The following TDRD9 variants were observed in gnomAD, a reference collection of about 807,000 sequenced individuals.
The protein encoded by TDRD9 is ATP-dependent RNA helicase TDRD9.
TDRD9 carries 124 observed loss-of-function variants against 172.6 expected under a neutral mutation model. That is an observed-to-expected ratio of 0.72 (90% confidence interval 0.62 to 0.83). The LOEUF is 0.83. Ranked by LOEUF, TDRD9 falls within the 40% of genes least tolerant of loss-of-function variation. The pLI is 0.00. For missense variants in TDRD9, 1,479 were observed against 1,714.1 expected, an observed-to-expected ratio of 0.86 and a Z score of 2.42; for synonymous variants, 619 against 617.1, an observed-to-expected ratio of 1.00 and a Z score of -0.05.
chr14:104,011,860 C>A (rs1344623418), intron 20 of TDRD9, among the ~76,000 whole-genome samples: 1 of 151,972 alleles, frequency 6.6e-6, no homozygotes, highest in East Asian at 1.9e-4. Context: ...AGCTGTTATG[C>A]TTATGCTTAT....
chr14:103,928,675 G>T lies in TDRD9; in HGVS notation c.166G>T (p.Ala56Ser). 8.1e-7 allele frequency: 1 copy of T among 1,227,726 alleles called. No homozygotes were observed. 76.1% of individuals were successfully genotyped at this position (1,227,726 alleles called of 1,614,324 possible). Reference sequence around the variant, plus strand: ...CCCCGGCGCTGGTCCCGCGGCCCAGGCTCCGGCTCTGGCCCAAGCTCCGGC... The same window carrying T: ...CCCCGGCGCTGGTCCCGCGGCCCAGTCTCCGGCTCTGGCCCAAGCTCCGGC... ...VAPGAGPAAQ[A>S]PALAQAPARP... Residue 56 changes from alanine (A) to serine (S), a missense_variant, in exon 1 of 36, where the codon GCT (alanine) becomes TCT (serine). Ala to Ser is a moderately conservative substitution (Grantham distance 99). Coordinates refer to ENST00000409874, the MANE Select transcript of TDRD9 (RefSeq NM_153046.3).
chr14:104,049,116 A>G (rs61997598), intron 34 of TDRD9, among the ~76,000 whole-genome samples: 18 of 23,116 alleles, frequency 7.8e-4, no homozygotes, highest in South Asian at 3.5e-3. Flanking sequence ...GTATGTATGT[A>G]TGTATGTGTG....
chr14:104,021,841 G>T (rs899708597), intron 23 of TDRD9, among the ~76,000 whole-genome samples: 1 of 151,976 alleles, frequency 6.6e-6, no homozygotes, highest in Non-Finnish European at 1.5e-5. Context: ...AAATTCTTTT[G>T]CAATTATGAA....
At chr14:104,032,479 A>G (rs2035313972) in intron 30 of TDRD9, among the ~76,000 whole-genome samples, 1 of 152,226 alleles carries the variant, frequency 6.6e-6, no homozygotes, top group African/African-American at 2.4e-5. Context: ...TGCTGGGATT[A>G]CAGGCGTGAG....
chr14:103,968,087 T>C (rs2032832639), intron 5 of TDRD9, among the ~76,000 whole-genome samples: 2 of 152,154 alleles, frequency 1.3e-5, no homozygotes, highest in African/African-American at 2.4e-5. Flanking sequence ...CTACGTGGCC[T>C]TTGCACACCC....
chr14:103,931,621 T>C (rs998816225), intron 1 of TDRD9, among the ~76,000 whole-genome samples: 1 of 152,228 alleles, frequency 6.6e-6, no homozygotes, highest in Non-Finnish European at 1.5e-5. Context: ...TAAAGTGACT[T>C]GCCCAACTTC....
intron 13 of TDRD9, among the ~76,000 whole-genome samples, chr14:103,999,785 T>A (rs1407812462): frequency 6.6e-6 from 1 of 151,918 alleles, no homozygotes; most frequent in African/African-American, 2.4e-5. Flanking sequence ...ACTCATTTAA[T>A]CTTCCTAACA....
intron 7 of TDRD9, among the ~76,000 whole-genome samples, chr14:103,976,719 G>C (rs901811835): frequency 1.3e-5 from 2 of 152,176 alleles, no homozygotes; most frequent in African/African-American, 4.8e-5. Context: ...CCATATGGTA[G>C]TTCTGTTTTT....
At chr14:103,956,053 T>C (rs2032177827) in intron 2 of TDRD9, among the ~76,000 whole-genome samples, 1 of 120,596 alleles carries the variant, frequency 8.3e-6, no homozygotes, top group Admixed American at 1.0e-4. Context: ...AGGTTCATCC[T>C]GGGCAACATA....
rs911988357 is a variant in TDRD9 at position 103,982,680 on chromosome 14, C to T, written c.1012-3537C>T. Among the ~76,000 whole-genome samples the T allele has an allele frequency of 2.1e-4, 32 of 152,158 alleles. 1 individual carries two copies. The highest frequency in any genetic ancestry group is 6.0e-4 in the African/African-American group (25 of 41,510). ...CAGCACTTTGGGAGGCCGAGGCAGGCGGATCACCTGAGGTTGGGTGTTCGA... is the reference window on the plus strand; with the variant it reads ...CAGCACTTTGGGAGGCCGAGGCAGGTGGATCACCTGAGGTTGGGTGTTCGA... On this transcript the variant is annotated intron_variant, in intron 7 of 35. Transcript: ENST00000409874.
intron 13 of TDRD9, among the ~76,000 whole-genome samples, chr14:104,003,782 G>A (rs1003007834): frequency 6.6e-6 from 1 of 152,206 alleles, no homozygotes; most frequent in Non-Finnish European, 1.5e-5. Context: ...CTGGGAGGGT[G>A]CTTTGCAGTG....
chr14:103,932,551 C>T (rs1484977711), intron 1 of TDRD9, among the ~76,000 whole-genome samples: 1 of 152,118 alleles, frequency 6.6e-6, no homozygotes, highest in African/African-American at 2.4e-5. Flanking sequence ...CCACAGCCGG[C>T]TAATTTTTTG....
At chr14:103,974,488 G>T (rs1319573239) in intron 6 of TDRD9, among the ~76,000 whole-genome samples, 1 of 152,128 alleles carries the variant, frequency 6.6e-6, no homozygotes, top group Non-Finnish European at 1.5e-5. Flanking sequence ...CCCCAGTCTG[G>T]GGTTGTTCCT....
At chr14:104,000,575 A>C (rs1183971232) in intron 13 of TDRD9, among the ~76,000 whole-genome samples, 1 of 152,124 alleles carries the variant, frequency 6.6e-6, no homozygotes, top group Non-Finnish European at 1.5e-5. Flanking sequence ...ATTTGAGGTC[A>C]GGAGTTCAAG....
chr14:104,029,871 T>C (rs1436793442), intron 28 of TDRD9, among the ~76,000 whole-genome samples: 2 of 151,924 alleles, frequency 1.3e-5, no homozygotes, highest in East Asian at 3.8e-4. Context: ...TTGCTGAGAA[T>C]TTTTTTATCT....
intron 24 of TDRD9, among the ~76,000 whole-genome samples, chr14:104,023,751 A>G (rs1258999573): frequency 6.6e-6 from 1 of 152,210 alleles, no homozygotes; most frequent in East Asian, 1.9e-4. Flanking sequence ...TGGTGGAGGA[A>G]GGCAAATCTG....
intron 23 of TDRD9, among the ~76,000 whole-genome samples, chr14:104,020,066 T>C (rs2034907669): frequency 6.6e-6 from 1 of 152,072 alleles, no homozygotes; most frequent in Admixed American, 6.6e-5. Context: ...CTGGTAGCCG[T>C]TTGGGCAGAG....
chr14:103,976,731 G>GT (rs1372512346), intron 7 of TDRD9, among the ~76,000 whole-genome samples: 3 of 152,146 alleles, frequency 2.0e-5, no homozygotes, highest in African/African-American at 4.8e-5. Flanking sequence ...TCTGTTTTTA[G>GT]TTTTTTTGAG....
chr14:103,959,940 C>T (rs1012196996), intron 2 of TDRD9, among the ~76,000 whole-genome samples: 3 of 152,162 alleles, frequency 2.0e-5, no homozygotes, highest in African/African-American at 7.2e-5. Context: ...AGTTAAATTC[C>T]ACAGTGCTGC....
Sources: allele counts gnomAD v4.1 joint callset (sites outside exome capture counted in the v4.1 genomes callset), GRCh38; gene constraint gnomAD v4.1.1; transcripts MANE v1.5; gene names NCBI Gene and HGNC (gene_info 2026-07-23, HGNC 2026-07-21).